Variants in PAH observed in about 807,000 individuals in gnomAD.
The protein encoded by PAH is phenylalanine-4-hydroxylase.
In PAH, 64 loss-of-function variants were observed where a neutral mutation model predicts 62.0. The observed-to-expected ratio is 1.03, with a 90% CI of 0.84 to 1.27. The LOEUF (loss-of-function observed/expected upper bound fraction) is 1.27. PAH is among the 50% of genes most tolerant of loss of function. The pLI is 0.00. For synonymous variants in PAH, 195 were observed against 196.2 expected (o/e 0.99, Z 0.05); for missense variants, 579 against 542.8 (o/e 1.07, Z -0.66).
At chr12:102,893,791 T>C (rs1229116567) in intron 3 of PAH, among the ~76,000 whole-genome samples, 2 of 152,202 alleles carry the variant, frequency 1.3e-5, no homozygotes, top group Non-Finnish European at 2.9e-5. Context: ...GAGTAGCATT[T>C]CAGTACGTAA....
intron 1 of PAH, among the ~76,000 whole-genome samples, chr12:102,915,918 T>G (rs1327301343): frequency 6.6e-6 from 1 of 152,168 alleles, no homozygotes; most frequent in Non-Finnish European, 1.5e-5. Flanking sequence ...ATTTGTGGAT[T>G]CTCAATCTTC....
At chr12:102,950,975 G>T (rs1364821465), upstream of PAH, 1 of 152,118 alleles carries the variant, frequency 6.6e-6, no homozygotes, top group Admixed American at 6.5e-5. Flanking sequence ...CTGAAGTGGG[G>T]GCATGTGAGA....
intron 1 of PAH, among the ~76,000 whole-genome samples, chr12:102,956,445 C>A (rs898190204): frequency 6.6e-6 from 1 of 152,170 alleles, no homozygotes; most frequent in African/African-American, 2.4e-5. Flanking sequence ...GCGCCTCCCC[C>A]TCCCTCTCGG....
chr12:102,861,833 GT>G (rs1480131829), intron 5 of PAH, among the ~76,000 whole-genome samples: 2 of 152,060 alleles, frequency 1.3e-5, no homozygotes. Context: ...CTGTTGTGGG[GT>G]TGGGGGAAGG....
intron 1 of PAH, among the ~76,000 whole-genome samples, chr12:102,915,977 C>A (rs1189900600): frequency 6.6e-6 from 1 of 152,088 alleles, no homozygotes; most frequent in African/African-American, 2.4e-5. Context: ...CTGATGAGAT[C>A]CCTGCCCCTA....
rs548879082 is a variant in PAH, at chr12:102,938,846, C to T, written c.-96+11743G>A. ...ACTGGTCCTTGCCCCTGCTACACTG[C>T]ACTCAGCAGGGCCTCCCAACCTGGG... On this transcript the variant is annotated intron_variant, in intron 1 of 3. Coordinates refer to the PAH transcript ENST00000546844. Among the ~76,000 whole-genome samples the T allele has an allele frequency of 4.7e-4, 72 of 152,288 alleles. No homozygotes were observed. The South Asian group carries it at 0.014, about 29-fold the overall frequency.
chr12:102,893,582 T>C (rs1877369420), intron 3 of PAH, among the ~76,000 whole-genome samples: 1 of 152,192 alleles, frequency 6.6e-6, no homozygotes, highest in South Asian at 2.1e-4. Flanking sequence ...CCAGGCACTG[T>C]TCTAAGCACT....
At position 102,896,726 on chromosome 12, in the gene PAH, A is replaced by T. The variant is rs569271889; in HGVS notation, c.169-1808T>A. 1.3e-4 allele frequency among the ~76,000 whole-genome samples: 20 copies of T among 152,338 alleles called. 1 individual carries two copies. In the South Asian group the frequency reaches 3.9e-3, roughly 30 times the overall value. ...GTCCATCATATTCCATGCCACCCTC[A>T]GATTTGACTATTACTCTGTTGTCTA... On this transcript the variant is annotated intron_variant, in intron 2 of 12. Coordinates refer to ENST00000553106, the MANE Select transcript of PAH (RefSeq NM_000277.3).
intron 2 of PAH, among the ~76,000 whole-genome samples, chr12:102,898,704 G>A (rs1199591060): frequency 6.6e-6 from 1 of 152,138 alleles, no homozygotes; most frequent in East Asian, 1.9e-4. Context: ...AGAGATGAAG[G>A]TGCTTGGCCG....
At chr12:102,897,956 A>G (rs1383742973) in intron 2 of PAH, among the ~76,000 whole-genome samples, 1 of 152,208 alleles carries the variant, frequency 6.6e-6, no homozygotes, top group Non-Finnish European at 1.5e-5. Context: ...GTTTTCTTGT[A>G]AAACCTGGAC....
At chr12:102,844,816 G>T (rs994220332) in intron 9 of PAH, among the ~76,000 whole-genome samples, 4 of 152,174 alleles carry the variant, frequency 2.6e-5, no homozygotes, top group African/African-American at 9.7e-5. Flanking sequence ...CAGGCCTTTG[G>T]TCTCAGACTG....
intron 1 of PAH, among the ~76,000 whole-genome samples, chr12:102,937,527 C>A (rs1315538346): frequency 6.6e-6 from 1 of 152,090 alleles, no homozygotes; most frequent in African/African-American, 2.4e-5. Context: ...AACAAACAAG[C>A]AAAGAGAAAA....
chr12:102,956,420 G>C (rs1037204679), intron 1 of PAH, among the ~76,000 whole-genome samples: 2 of 152,190 alleles, frequency 1.3e-5, no homozygotes, highest in African/African-American at 4.8e-5. Context: ...CCAAGCGGTC[G>C]AGCGACGGCT....
At chr12:102,894,069 T>C (rs1259930399) in intron 3 of PAH, among the ~76,000 whole-genome samples, 1 of 152,162 alleles carries the variant, frequency 6.6e-6, no homozygotes, top group Non-Finnish European at 1.5e-5. Flanking sequence ...ATCCCTTTGG[T>C]TGGAGTGGAG....
At chr12:102,872,850 C>T (rs1464091350) in intron 4 of PAH, among the ~76,000 whole-genome samples, 2 of 152,164 alleles carry the variant, frequency 1.3e-5, no homozygotes, top group Non-Finnish European at 2.9e-5. Context: ...CACCTGTAAT[C>T]CCAGCTATGT....
chr12:102,920,886 C>T (rs1008802303), upstream of PAH, among the ~76,000 whole-genome samples: 1 of 150,068 alleles, frequency 6.7e-6, no homozygotes, highest in Non-Finnish European at 1.5e-5. Context: ...TCAGAATATC[C>T]CAGTGTGTAT....
rs1592989533 is a variant in PAH at position 102,914,050 on chromosome 12, A to T, written c.61-1152T>A. On this transcript the variant is annotated intron_variant, in intron 1 of 12. Coordinates refer to ENST00000553106, the MANE Select transcript of PAH (RefSeq NM_000277.3). ...AGGCTGTGTTAGGAAACTCTTAGTG[A>T]CTCAGAATAACAAGCCCTGCATGAA... The T allele has an allele frequency of 3.5e-5, 18 of 513,254 alleles. No individual in the cohort carries two copies. In the East Asian group the frequency reaches 5.6e-4, roughly 16 times the overall value. 31.8% of individuals were successfully genotyped at this position (513,254 alleles called of 1,614,324 possible).
At chr12:102,942,561 A>G (rs7298240) in intron 1 of PAH, among the ~76,000 whole-genome samples, 4,895 of 152,206 alleles carry the variant, frequency 0.032, 271 homozygotes, top group African/African-American at 0.11. Flanking sequence ...ATAAGAAGAT[A>G]CCATTCTAAA....
chr12:102,889,019 G>T (rs1489167431), intron 3 of PAH, among the ~76,000 whole-genome samples: 1 of 152,036 alleles, frequency 6.6e-6, no homozygotes, highest in African/African-American at 2.4e-5. Context: ...AGAGAGGAAA[G>T]AAAAGTGCAG....
Sources: allele counts gnomAD v4.1 joint callset (sites outside exome capture counted in the v4.1 genomes callset), GRCh38; gene constraint gnomAD v4.1.1; transcripts MANE v1.5; gene names NCBI Gene and HGNC (gene_info 2026-07-23, HGNC 2026-07-21).